TRPA1: variants seen among roughly 807,000 people sequenced by gnomAD.
TRPA1 encodes the protein ankyrin-like with transmembrane domains 1.
TRPA1 carries 129 observed loss-of-function variants against 131.3 expected under a neutral mutation model. That is an observed-to-expected ratio of 0.98 (90% CI 0.85 to 1.14). TRPA1 has a LOEUF of 1.14. Among genes scored for constraint, TRPA1 ranks in the 50% most tolerant of loss-of-function variants. TRPA1 has a pLI of 0.00. For synonymous variants in TRPA1, 441 were observed against 451.7 expected, an observed-to-expected ratio of 0.98 and a Z score of 0.30; for missense variants, 1,304 against 1,354.2, an observed-to-expected ratio of 0.96 and a Z score of 0.58.
chr8:72,053,865 T>C lies in TRPA1; in HGVS notation c.1532A>G (p.Asp511Gly). 6.2e-7 allele frequency: 1 copy of C among 1,610,192 alleles called. No individual in the cohort carries two copies. The highest frequency in any genetic ancestry group is 8.5e-7 in the Non-Finnish European group (1 of 1,178,806). Residue 511 changes from aspartate (D) to glycine (G), a missense_variant and splice_region_variant, in exon 13 of 27, where the codon GAC (aspartate) becomes GGC (glycine). Asp to Gly is a moderately conservative substitution (Grantham distance 94, BLOSUM62 -1). Transcript: ENST00000262209. ...ATGCAAAGCTGTCCAGCCATTGTGG[T>C]CACTGGTAAAGAGTTAAGAAAAGAT... ...LLKKGALFLS[D>G]HNGWTALHHA... is the part of the protein sequence containing the mutation.
chr8:72,087,632 A>ATATG, the TRPA1 span, among the ~76,000 whole-genome samples: 7 of 3,514 alleles, frequency 2.0e-3, no homozygotes, highest in African/African-American at 6.0e-3. Flanking sequence ...GATCTATCAA[A>ATATG]TATATATATA....
chr8:72,035,076 C>A (rs932033281), intron 21 of TRPA1, among the ~76,000 whole-genome samples: 1 of 152,188 alleles, frequency 6.6e-6, no homozygotes, highest in Non-Finnish European at 1.5e-5. Context: ...CCATCTCCTT[C>A]GGTTTTCTTT....
chr8:72,076,069 G>A (rs1454853992), upstream of TRPA1, among the ~76,000 whole-genome samples: 1 of 152,054 alleles, frequency 6.6e-6, no homozygotes, highest in African/African-American at 2.4e-5. Context: ...TGGAAATAAC[G>A]TTTTTAACAA....
At chr8:72,028,176 T>C (rs2129432796) in intron 24 of TRPA1, among the ~76,000 whole-genome samples, 1 of 152,324 alleles carries the variant, frequency 6.6e-6, no homozygotes, top group Admixed American at 6.5e-5. Context: ...TAAACCAAGA[T>C]AATAACAGAT....
the TRPA1 span, among the ~76,000 whole-genome samples, chr8:72,085,498 A>G: frequency 4.0e-5 from 6 of 151,186 alleles, no homozygotes; most frequent in Non-Finnish European, 8.8e-5. Context: ...AATCTAATCA[A>G]TATGAAATAT....
chr8:72,061,813 A>G, intron 6 of TRPA1, 52 bp from the exon 7 acceptor site: 1 of 1,590,666 alleles, frequency 6.3e-7, no homozygotes, highest in Non-Finnish European at 8.6e-7. Flanking sequence ...ATGAAAGAAT[A>G]TAACTTATAT....
chr8:72,056,032 C>T (rs187646384), intron 10 of TRPA1, 177 bp from the exon 11 acceptor site: 1 of 659,756 alleles, frequency 1.5e-6, no homozygotes, highest in Admixed American at 2.4e-5. Flanking sequence ...AAGTTGAATG[C>T]TCTGTCTTCA....
intron 12 of TRPA1, chr8:72,054,197 C>T (rs940700463): frequency 5.8e-5 from 19 of 326,210 alleles, no homozygotes; most frequent in Non-Finnish European, 9.3e-5. Context: ...CTATAATGAA[C>T]TGATACACAT....
intron 1 of TRPA1, among the ~76,000 whole-genome samples, chr8:72,072,880 C>A (rs1822570): frequency 6.6e-6 from 1 of 151,892 alleles, no homozygotes; most frequent in Non-Finnish European, 1.5e-5. Context: ...CTATTGAATT[C>A]ACAATAACAA....
Position 72,059,519 on chromosome 8 carries a change from G to A in TRPA1, c.945-81C>T, listed in dbSNP as rs545869727. 402 of 851,482 alleles carry A rather than the reference G, an allele frequency of 4.7e-4. No homozygotes were observed. In the African/African-American group the frequency reaches 5.5e-3, roughly 12 times the overall value. 52.7% of individuals were successfully genotyped at this position (851,482 alleles called of 1,614,324 possible). ...TGTATTTAATAAAGCTACTATATTC[G>A]GAAAGTGAATTTAACTAATCATAAA... On this transcript the variant is annotated intron_variant, in intron 7 of 26. Transcript: ENST00000262209.
At chr8:72,086,885 A>T in the TRPA1 span, among the ~76,000 whole-genome samples, 2 of 152,150 alleles carry the variant, frequency 1.3e-5, no homozygotes, top group Admixed American at 6.5e-5. Flanking sequence ...TCATCTTTTC[A>T]TGGCAAGTGG....
intron 9 of TRPA1, 48 bp downstream of exon 9, chr8:72,057,669 C>G (rs749341769): frequency 7.0e-6 from 10 of 1,421,430 alleles, no homozygotes; most frequent in Non-Finnish European, 9.9e-6. Flanking sequence ...GTTCATCCAA[C>G]CAAATTGAGT....
upstream of TRPA1, among the ~76,000 whole-genome samples, chr8:72,079,424 A>G (rs759508599): frequency 6.6e-5 from 10 of 151,900 alleles, no homozygotes; most frequent in African/African-American, 1.2e-4. Flanking sequence ...TTTTTATTGC[A>G]TATGGATATA....
At chr8:72,026,433 CTT>C (rs1179380273) in intron 24 of TRPA1, among the ~76,000 whole-genome samples, 2 of 152,370 alleles carry the variant, frequency 1.3e-5, no homozygotes, top group Admixed American at 6.5e-5. Context: ...AGTTCATACT[CTT>C]GCGGTGTTGC....
At chr8:72,050,929 C>G (rs1805488680) in intron 14 of TRPA1, 58 bp from the exon 15 acceptor site, 2 of 1,199,258 alleles carry the variant, frequency 1.7e-6, no homozygotes, top group South Asian at 1.2e-5. Context: ...TTCTGTACAA[C>G]AGCTGAAACT....
At chr8:72,075,700 G>A (rs1386818086), upstream of TRPA1, 1 of 465,762 alleles carries the variant, frequency 2.1e-6, no homozygotes, top group Non-Finnish European at 4.0e-6. Context: ...GTCTGCCTTG[G>A]ACTCGCCCCT....
the TRPA1 span, among the ~76,000 whole-genome samples, chr8:72,087,332 G>A: frequency 6.6e-6 from 1 of 152,212 alleles, no homozygotes; most frequent in Non-Finnish European, 1.5e-5. Flanking sequence ...AGAATGGATT[G>A]AGAATGAGAC....
At chr8:72,024,653 A>G (rs1811519089) in intron 25 of TRPA1, among the ~76,000 whole-genome samples, 1 of 152,154 alleles carries the variant, frequency 6.6e-6, no homozygotes, top group Non-Finnish European at 1.5e-5. Flanking sequence ...TGAAACGTGA[A>G]AGCATTGAAG....
At chr8:72,052,880 A>G in intron 13 of TRPA1, 115 bp from the exon 14 acceptor site, 2 of 1,199,278 alleles carry the variant, frequency 1.7e-6, no homozygotes, top group Non-Finnish European at 2.4e-6. Context: ...AATACATAGC[A>G]CTTAAAACTG....
Sources: gnomAD v4.1 joint callset for allele counts (sites outside exome capture counted in the v4.1 genomes callset) on GRCh38, gnomAD v4.1.1 for gene constraint, MANE v1.5 for transcripts, NCBI Gene and HGNC (gene_info 2026-07-23, HGNC 2026-07-21) for gene names.